The following SKOR1 variants were observed in gnomAD, a reference collection of about 807,000 sequenced individuals.
SKOR1 encodes the protein SKI family transcriptional corepressor 1.
Under a neutral mutation model 72.4 loss-of-function variants are expected in SKOR1, and 38 were observed. The ratio of observed to expected loss-of-function variants is 0.52; its 90% confidence interval spans 0.40 to 0.69. The LOEUF (loss-of-function observed/expected upper bound fraction) is 0.69, where lower values mean the gene tolerates loss of function less well. Ranked by LOEUF, SKOR1 falls within the 30% of genes least tolerant of loss-of-function variation. The pLI is 0.00. For missense variants in SKOR1, 1,320 were observed against 1,343.2 expected (o/e 0.98, Z 0.27); for synonymous variants, 642 against 599.4 (o/e 1.07, Z -1.04).
chr15:67,826,794 C>T lies in SKOR1; in HGVS notation c.966C>T (p.Pro322=). ...CAGAGATGGCCCCAGGCCCGCCGCC[C>T]CACAAAAGCCTGCGCTGTGGCGAAG... The part of the protein sequence containing the change: ...CGAEMAPGPP[P]HKSLRCGEDE... Residue 322 remains proline (P), a synonymous_variant, in exon 2 of 9, where the codon CCC becomes CCT. Transcript: ENST00000380035. 1.3e-6 allele frequency: 2 copies of T among 1,531,830 alleles called. No homozygotes were observed. Among genetic ancestry groups the T allele is most frequent in the Admixed American group, 3.9e-5 (2 of 50,812 alleles). 94.9% of individuals were successfully genotyped at this position (1,531,830 alleles called of 1,614,324 possible).
chr15:67,830,070 G>C, intron 3 of SKOR1, 121 bp from the exon 4 acceptor site: 1 of 984,550 alleles, frequency 1.0e-6, no homozygotes. Context: ...CGCACAGCCG[G>C]GAACCAGAGG....
In SKOR1 at chr15:67,826,796, A is replaced by C; in HGVS notation, c.968A>C (p.His323Pro). Reference sequence around the variant, plus strand: ...GAGATGGCCCCAGGCCCGCCGCCCCACAAAAGCCTGCGCTGTGGCGAAGAT... The same window carrying C: ...GAGATGGCCCCAGGCCCGCCGCCCCCCAAAAGCCTGCGCTGTGGCGAAGAT... ...GAEMAPGPPPHKSLRCGEDEA... is the reference protein window; with the variant it reads ...GAEMAPGPPPPKSLRCGEDEA... The change falls in exon 2 of 9, where the codon CAC (histidine) becomes CCC (proline). Residue 323 changes from histidine to proline, a missense_variant. This residue lies in a region of SKOR1 where 1,099 missense variants were observed against 1,025.5 expected (regional missense o/e 1.07). Transcript: ENST00000380035. The C allele has an allele frequency of 6.5e-7, 1 of 1,531,776 alleles. No individual in the cohort carries two copies. The highest frequency in any genetic ancestry group is 1.2e-5 in the South Asian group (1 of 83,922). 94.9% of individuals were successfully genotyped at this position (1,531,776 alleles called of 1,614,324 possible).
In SKOR1 at chr15:67,826,767, T is replaced by C. The variant is rs1403358916; in HGVS notation, c.939T>C (p.Gly313=). The C allele has an allele frequency of 1.3e-6, 2 of 1,534,034 alleles. No homozygotes were observed. Among genetic ancestry groups the C allele is most frequent in the Non-Finnish European group, 1.7e-6 (2 of 1,145,122 alleles). Residue 313 remains glycine (G), a synonymous_variant, in exon 2 of 9, where the codon GGT becomes GGC. Coordinates refer to ENST00000380035, the MANE Select transcript of SKOR1 (RefSeq NM_001365915.1). ...GTGGCGGCGGTGGCCCAGGGTGCGG[T>C]GCAGAGATGGCCCCAGGCCCGCCGC... ...GGGGGGGPGC[G]AEMAPGPPPH...
Position 67,830,237 on chromosome 15 carries a change from G to A in SKOR1, c.2454G>A (p.Thr818=), listed in dbSNP as rs150139245. 582 of 1,614,214 alleles carry A rather than the reference G, an allele frequency of 3.6e-4. 2 individuals carry two copies. The highest frequency in any genetic ancestry group is 4.9e-4 in the Middle Eastern group (3 of 6,062). Residue 818 remains threonine, a synonymous_variant, in exon 4 of 9, where the codon ACG becomes ACA. Transcript: ENST00000380035. The part of the protein sequence containing the change: ...DNHSPADDLE[T]RKSYPDQRSI... Reference sequence around the variant, plus strand: ...ACTCGCCCGCCGATGATTTGGAAACGAGGAAATCCTATCCAGACCAAAGGA... The same window carrying A: ...ACTCGCCCGCCGATGATTTGGAAACAAGGAAATCCTATCCAGACCAAAGGA...
chr15:67,830,817 G>T lies in SKOR1; in HGVS notation c.2516-1G>T. ...CCCTCTTACCTGCCCCTGTATCCCA[G>T]GCGAAGATGGGCTTACCTTGGATGT... On this transcript the variant is annotated splice_acceptor_variant, in intron 4 of 8. Coordinates refer to ENST00000380035, the MANE Select transcript of SKOR1 (RefSeq NM_001365915.1). LOFTEE classifies it high-confidence loss of function. 6.2e-7 allele frequency: 1 copy of T among 1,614,188 alleles called. No individual in the cohort carries two copies. The highest frequency in any genetic ancestry group is 1.7e-5 in the Admixed American group (1 of 60,026).
At position 67,825,940 on chromosome 15, in the gene SKOR1, G is replaced by T; in HGVS notation, c.112G>T (p.Gly38Cys). Residue 38 changes from glycine to cysteine, a missense_variant, in exon 2 of 9, where the codon GGC becomes TGC. Physicochemically the swap from Gly to Cys is radical, Grantham distance 159 (BLOSUM62 -3). Coordinates refer to ENST00000380035, the MANE Select transcript of SKOR1 (RefSeq NM_001365915.1). The surrounding 1 kb of genome is among the most constrained non-coding windows in gnomAD (Gnocchi z 5.6). ...TCTGCTTTCTCTATTTCGCAGGAGC[G>T]GCGGCATGGAGGCTCTCACCACTCA... is the stretch of plus-strand genomic sequence containing the variant. The part of the protein sequence containing the change: ...FLAARAFLRS[G>C]GMEALTTQLG... 1 of 1,514,796 alleles carries T rather than the reference G, an allele frequency of 6.6e-7. No homozygotes were observed. The highest frequency in any genetic ancestry group is 8.8e-7 in the Non-Finnish European group (1 of 1,134,306). 93.8% of individuals were successfully genotyped at this position (1,514,796 alleles called of 1,614,324 possible). A position where few individuals can be genotyped will look rare whatever the true frequency, so the allele number is the denominator to read the frequency against.
rs201057372 is a variant in SKOR1, at chr15:67,833,868, G to C, written c.*32G>C. 709 of 1,593,392 alleles carry C rather than the reference G, an allele frequency of 4.4e-4. 6 individuals carry two copies. In the African/African-American group the frequency reaches 8.6e-3, roughly 19 times the overall value. ...CCTGGCCGCACCCCTGCGCCCTCAA[G>C]CCATGCTGCTCCTTGTAAATACCCG... On this transcript the variant is annotated 3_prime_UTR_variant, in exon 9 of 9. Transcript: ENST00000380035. The surrounding 1 kb of genome is among the most constrained non-coding windows in gnomAD (Gnocchi z 6.0).
chr15:67,830,405 C>A, intron 4 of SKOR1, 107 bp downstream of exon 4: 2 of 920,466 alleles, frequency 2.2e-6, no homozygotes, highest in Non-Finnish European at 3.4e-6. Context: ...CAAGTGTAAG[C>A]GGCTGCCAGT....
rs2090968743 is a variant in SKOR1, at chr15:67,827,294, C to T, written c.1466C>T (p.Pro489Leu). 1 of 1,589,450 alleles carries T rather than the reference C, an allele frequency of 6.3e-7. No homozygotes were observed. Among genetic ancestry groups the T allele is most frequent in the Non-Finnish European group, 8.5e-7 (1 of 1,175,494 alleles). Reference sequence around the variant, plus strand: ...GCCGCCACTGTGTACCCGACGTTTCCCATGTTCTGGCCAGCAGCAGGCAGC... The same window carrying T: ...GCCGCCACTGTGTACCCGACGTTTCTCATGTTCTGGCCAGCAGCAGGCAGC... The part of the protein sequence containing the change: ...AAAATVYPTF[P>L]MFWPAAGSLP... Residue 489 changes from proline (P) to leucine (L), a missense_variant, in exon 2 of 9, where the codon CCC becomes CTC. Pro to Leu is a moderately conservative substitution (Grantham distance 98). Around this residue, in one of 3 missense-constraint regions of SKOR1, gnomAD observed 1,099 missense variants for 1,025.5 expected, o/e 1.07. Coordinates refer to ENST00000380035, the MANE Select transcript of SKOR1 (RefSeq NM_001365915.1).
intron 5 of SKOR1, among the ~76,000 whole-genome samples, chr15:67,831,994 A>G (rs961607359): frequency 5.3e-5 from 8 of 151,548 alleles, no homozygotes; most frequent in African/African-American, 1.7e-4. Flanking sequence ...TAGGTTAGGG[A>G]GTGAGGAACA....
rs1661167059 is a variant in SKOR1, at chr15:67,827,151, G to A, written c.1323G>A (p.Pro441=). The A allele has an allele frequency of 2.3e-5, 31 of 1,356,582 alleles. No homozygotes were observed. Among genetic ancestry groups the A allele is most frequent in the Non-Finnish European group, 2.9e-5 (31 of 1,065,784 alleles). 84.0% of individuals were successfully genotyped at this position (1,356,582 alleles called of 1,614,324 possible). Residue 441 remains proline, a synonymous_variant, in exon 2 of 9, where the codon CCG becomes CCA. Coordinates refer to ENST00000380035, the MANE Select transcript of SKOR1 (RefSeq NM_001365915.1). ...GAGTGGGAGG[P]GASHLPPGAG... is the part of the protein sequence containing the mutation. ...GGACAGGCGGGGGTGCGGGGGGCCCGGGAGCCAGCCACTTGCCCCCGGGGG... is the reference window on the plus strand; with the variant it reads ...GGACAGGCGGGGGTGCGGGGGGCCCAGGAGCCAGCCACTTGCCCCCGGGGG...
At position 67,832,372 on chromosome 15, in the gene SKOR1, C is replaced by A. The variant is rs1566977382; in HGVS notation, c.2662+24C>A. The A allele has an allele frequency of 3.7e-6, 6 of 1,611,888 alleles. No individual in the cohort carries two copies. The highest frequency in any genetic ancestry group is 5.1e-6 in the Non-Finnish European group (6 of 1,178,206). ...AGGTACCCACTGCCATCCTGCCTCA[C>A]CCCACCTCATCACCGAGCCTTCCAC... On this transcript the variant is annotated intron_variant, in intron 6 of 8. Transcript: ENST00000380035. This position sits in a 1 kb window ranked among gnomAD's most constrained non-coding sequence, Gnocchi z 4.5.
chr15:67,829,451 C>T (rs932845138), intron 3 of SKOR1, among the ~76,000 whole-genome samples, 182 bp downstream of exon 3: 2 of 152,244 alleles, frequency 1.3e-5, no homozygotes, highest in African/African-American at 4.8e-5. Context: ...TCTTTAGTTA[C>T]TTAAAAACAA....
Position 67,827,057 on chromosome 15 carries a change from A to G in SKOR1, c.1229A>G (p.Asp410Gly), listed in dbSNP as rs2090965368. The change falls in exon 2 of 9, where the codon GAC (aspartate) becomes GGC (glycine). Residue 410 changes from aspartate to glycine, a missense_variant. Asp to Gly is a moderately conservative substitution (Grantham distance 94). Around this residue, in one of 3 missense-constraint regions of SKOR1, gnomAD observed 1,099 missense variants for 1,025.5 expected, o/e 1.07. Coordinates refer to ENST00000380035, the MANE Select transcript of SKOR1 (RefSeq NM_001365915.1). ...PTAFGLCPKKDDPVLGAGEPK... is the reference protein window; with the variant it reads ...PTAFGLCPKKGDPVLGAGEPK... ...GCCTTCGGCCTATGCCCCAAAAAGG[A>G]CGACCCGGTTTTAGGCGCGGGCGAG... The G allele has an allele frequency of 6.5e-7, 1 of 1,546,962 alleles. No homozygotes were observed. Among genetic ancestry groups the G allele is most frequent in the African/African-American group, 1.4e-5 (1 of 70,450 alleles).
chr15:67,832,749 G>T lies in SKOR1; in HGVS notation c.2737+68G>T. The stretch of plus-strand genomic sequence containing the variant: ...CCTCTCGTCTGGCAGGAGCCGCAAT[G>T]TTGGCTCAGTCATTTGGATTTAAAT... On this transcript the variant is annotated intron_variant, in intron 7 of 8. Transcript: ENST00000380035. The surrounding 1 kb of genome is among the most constrained non-coding windows in gnomAD (Gnocchi z 4.5). 8.0e-7 allele frequency: 1 copy of T among 1,248,878 alleles called. No homozygotes were observed. The highest frequency in any genetic ancestry group is 1.2e-6 in the Non-Finnish European group (1 of 851,522). The allele number at this position is 1,248,878 out of a possible 1,614,324, so 77.4% of individuals were successfully genotyped here. A position where few individuals can be genotyped will look rare whatever the true frequency, so the allele number is the denominator to read the frequency against.
Position 67,832,500 on chromosome 15 carries a change from G to A in SKOR1, c.2663-107G>A. The A allele has an allele frequency of 7.6e-7, 1 of 1,313,078 alleles. No homozygotes were observed. The highest frequency in any genetic ancestry group is 1.1e-6 in the Non-Finnish European group (1 of 923,554). The allele number at this position is 1,313,078 out of a possible 1,614,324, so 81.3% of individuals were successfully genotyped here. A position where few individuals can be genotyped will look rare whatever the true frequency, so the allele number is the denominator to read the frequency against. On this transcript the variant is annotated intron_variant, in intron 6 of 8. Transcript: ENST00000380035. This position sits in a 1 kb window ranked among gnomAD's most constrained non-coding sequence, Gnocchi z 4.5. ...CCTTTTCCAGGGCTGCAGGCGAATG[G>A]CTGGGTGGGAGTTGGGGGTAGGGGT... is the stretch of plus-strand genomic sequence containing the variant.
chr15:67,832,730 G>A lies in SKOR1; in HGVS notation c.2737+49G>A, dbSNP rs148560348. On this transcript the variant is annotated intron_variant, in intron 7 of 8. Transcript: ENST00000380035. The surrounding 1 kb of genome is among the most constrained non-coding windows in gnomAD (Gnocchi z 4.5). ...CGTGCACGGGCCGTAACTGCCTCTC[G>A]TCTGGCAGGAGCCGCAATGTTGGCT... The A allele has an allele frequency of 3.4e-6, 5 of 1,487,546 alleles. No individual in the cohort carries two copies. Among genetic ancestry groups the A allele is most frequent in the South Asian group, 1.1e-5 (1 of 87,910 alleles). 92.1% of individuals were successfully genotyped at this position (1,487,546 alleles called of 1,614,324 possible).
Position 67,827,587 on chromosome 15 carries a change from C to T in SKOR1, c.1759C>T (p.Arg587Cys). 6.6e-7 allele frequency: 1 copy of T among 1,523,698 alleles called. No individual in the cohort carries two copies. Among genetic ancestry groups the T allele is most frequent in the East Asian group, 2.5e-5 (1 of 39,900 alleles). The allele number at this position is 1,523,698 out of a possible 1,614,324, so 94.4% of individuals were successfully genotyped here. Residue 587 changes from arginine to cysteine, a missense_variant, in exon 2 of 9, where the codon CGC (arginine) becomes TGC (cysteine). By Grantham distance (180) the Arg-to-Cys change is radical. Around this residue, in one of 3 missense-constraint regions of SKOR1, gnomAD observed 1,099 missense variants for 1,025.5 expected, o/e 1.07. Transcript: ENST00000380035. ...GCCCCCGCCGCCCCCGCCGCCCGCA[C>T]GCAAAGGCTCCTACGTGTCGGCCTT... ...PLPPPPPPPA[R>C]KGSYVSAFRP...
Position 67,833,261 on chromosome 15 carries a change from C to T in SKOR1, c.2803+4C>T, listed in dbSNP as rs780054543. ...GCCATCCAGCAGAAATTGAAAGGTG[C>T]GGAAGCCGGGAAACAAAGATAGGAG... On this transcript the variant is annotated splice_donor_region_variant and intron_variant, in intron 8 of 8. Coordinates refer to ENST00000380035, the MANE Select transcript of SKOR1 (RefSeq NM_001365915.1). The surrounding 1 kb of genome is among the most constrained non-coding windows in gnomAD (Gnocchi z 6.0). 1.9e-6 allele frequency: 3 copies of T among 1,613,942 alleles called. No homozygotes were observed. In the East Asian group the frequency reaches 6.7e-5, roughly 36 times the overall value.
Sources: allele counts gnomAD v4.1 joint callset (sites outside exome capture counted in the v4.1 genomes callset), GRCh38; gene constraint gnomAD v4.1.1; regional missense constraint gnomAD v4.1.1; non-coding constraint Gnocchi (gnomAD v3.1); transcripts MANE v1.5; gene names NCBI Gene and HGNC (gene_info 2026-07-23, HGNC 2026-07-21).